SEMA5A: variants seen among roughly 807,000 people sequenced by gnomAD.
The protein encoded by SEMA5A is semaphorin-5A.
A neutral mutation model predicts 135.5 loss-of-function variants in SEMA5A; 55 were observed. That is an observed-to-expected ratio of 0.41 (90% confidence interval 0.33 to 0.51). The LOEUF (loss-of-function observed/expected upper bound fraction) is 0.51. Ranked by LOEUF, SEMA5A falls within the 20% of genes least tolerant of loss-of-function variation. SEMA5A has a pLI of 0.37. For synonymous variants in SEMA5A, 580 were observed against 546.5 expected (o/e 1.06, Z -0.85); for missense variants, 1,290 against 1,419.9 (o/e 0.91, Z 1.47).
At chr5:9,460,929 A>G (rs539487982) in intron 1 of SEMA5A, among the ~76,000 whole-genome samples, 72 of 152,304 alleles carry the variant, frequency 4.7e-4, no homozygotes, top group African/African-American at 1.6e-3. Flanking sequence ...TGTTATTTTT[A>G]TGAAGAGTAA....
intron 2 of SEMA5A, among the ~76,000 whole-genome samples, chr5:9,407,592 A>T (rs906658144): frequency 6.6e-6 from 1 of 152,174 alleles, no homozygotes; most frequent in Non-Finnish European, 1.5e-5. Context: ...ACCTGGCTGC[A>T]TTTGCTTTGC....
chr5:9,102,211 T>C (rs1739669861), intron 16 of SEMA5A, among the ~76,000 whole-genome samples: 1 of 152,188 alleles, frequency 6.6e-6, no homozygotes, highest in Non-Finnish European at 1.5e-5. Flanking sequence ...TCTCTCAGGC[T>C]ACCTCTCCTC....
At chr5:9,343,621 G>T (rs1179896105) in intron 3 of SEMA5A, among the ~76,000 whole-genome samples, 4 of 151,940 alleles carry the variant, frequency 2.6e-5, no homozygotes, top group Non-Finnish European at 5.9e-5. Context: ...CTTCATTTTT[G>T]GTTTCAGTGC....
intron 2 of SEMA5A, among the ~76,000 whole-genome samples, chr5:9,415,082 A>C (rs1757238518): frequency 6.6e-6 from 1 of 152,224 alleles, no homozygotes; most frequent in African/African-American, 2.4e-5. Context: ...CATGAGACAG[A>C]ATGGATATTG....
In SEMA5A at chr5:9,147,724, C is replaced by CAAAAAA. The variant is rs59966819; in HGVS notation, c.1481+6758_1481+6763dup. 3.9e-5 allele frequency among the ~76,000 whole-genome samples: 4 copies of CAAAAAA among 102,494 alleles called. 1 individual carries two copies. Among genetic ancestry groups the CAAAAAA allele is most frequent in the Admixed American group, 1.1e-4 (1 of 8,972 alleles). The allele number at this position is 102,494 out of a possible 152,430, so 67.2% of individuals were successfully genotyped here. On this transcript the variant is annotated intron_variant, in intron 12 of 22. Coordinates refer to ENST00000382496, the MANE Select transcript of SEMA5A (RefSeq NM_003966.3). ...TTCATTAAGCAAAAATAAAACAAAC[C>CAAAAAA]AAAAAAAAAAAAAAAAAACCCACCT...
rs76255961 is a variant in SEMA5A, at chr5:9,217,599, C to T, written c.646+7075G>A. ...TGAAATATGTTTTCCAATTTGTTTG[C>T]TTTCTTCCCCTCCCTCTCAGGGATG... On this transcript the variant is annotated intron_variant, in intron 8 of 22. Coordinates refer to ENST00000382496, the MANE Select transcript of SEMA5A (RefSeq NM_003966.3). Among the ~76,000 whole-genome samples the T allele has an allele frequency of 5.6e-3, 854 of 152,308 alleles. 5 individuals carry two copies. The highest frequency in any genetic ancestry group is 9.3e-3 in the Non-Finnish European group (631 of 68,018).
intron 5 of SEMA5A, among the ~76,000 whole-genome samples, chr5:9,247,165 T>C (rs1335178357): frequency 6.6e-6 from 1 of 152,196 alleles, no homozygotes; most frequent in Admixed American, 6.5e-5. Flanking sequence ...TAGAATTTTA[T>C]TTTACTGATG....
At chr5:9,229,401 C>A (rs543483702) in intron 6 of SEMA5A, among the ~76,000 whole-genome samples, 1 of 152,214 alleles carries the variant, frequency 6.6e-6, no homozygotes, top group African/African-American at 2.4e-5. Flanking sequence ...CAAAGAACCA[C>A]ACAGTACTTC....
chr5:9,209,580 G>A (rs999995279), intron 8 of SEMA5A, among the ~76,000 whole-genome samples: 4 of 152,160 alleles, frequency 2.6e-5, no homozygotes, highest in African/African-American at 9.7e-5. Flanking sequence ...ACTGAAAGAA[G>A]ACATTGAGCT....
At chr5:9,535,741 C>T (rs1561330868) in intron 1 of SEMA5A, among the ~76,000 whole-genome samples, 1 of 152,020 alleles carries the variant, frequency 6.6e-6, no homozygotes, top group Admixed American at 6.6e-5. Context: ...CTTTAAGAAG[C>T]ATAGCCTGGA....
intron 1 of SEMA5A, among the ~76,000 whole-genome samples, chr5:9,438,942 C>T (rs757901527): frequency 6.6e-6 from 1 of 152,316 alleles, no homozygotes; most frequent in Middle Eastern, 3.4e-3. Context: ...CCCTAGGGTT[C>T]AGAGGCCAGG....
chr5:9,470,643 C>A (rs1759441409), intron 1 of SEMA5A, among the ~76,000 whole-genome samples: 1 of 152,152 alleles, frequency 6.6e-6, no homozygotes, highest in South Asian at 2.1e-4. Context: ...AGAAGGAAAC[C>A]ATGCCTCCTC....
intron 21 of SEMA5A, among the ~76,000 whole-genome samples, chr5:9,044,916 C>T (rs1428594809): frequency 6.6e-6 from 1 of 152,068 alleles, no homozygotes; most frequent in Admixed American, 6.5e-5. Flanking sequence ...TCCCGAGTAG[C>T]TTGGATTACA....
In SEMA5A at chr5:9,082,535, G is replaced by A. The variant is rs181202843; in HGVS notation, c.2074-15889C>T. On this transcript the variant is annotated intron_variant, in intron 16 of 22. Transcript: ENST00000382496. The stretch of plus-strand genomic sequence containing the variant: ...GTTCATTGTTCTGTGTTATAAGCAG[G>A]AGAGCCCACCAAGGTCTGCCCAGGG... Among the ~76,000 whole-genome samples, 297 of 152,288 alleles carry A rather than the reference G, an allele frequency of 2.0e-3. 1 individual carries two copies. Among genetic ancestry groups the A allele is most frequent in the African/African-American group, 6.8e-3 (284 of 41,554 alleles).
intron 5 of SEMA5A, among the ~76,000 whole-genome samples, chr5:9,280,985 C>G (rs1012563955): frequency 6.6e-6 from 1 of 152,080 alleles, no homozygotes; most frequent in African/African-American, 2.4e-5. Context: ...TTGAGAAAAA[C>G]CACTTTAAAA....
chr5:9,350,180 A>G (rs1754052915), intron 3 of SEMA5A, among the ~76,000 whole-genome samples: 3 of 152,214 alleles, frequency 2.0e-5, no homozygotes, highest in Non-Finnish European at 4.4e-5. Context: ...CATAGAGGTC[A>G]GCGCAACCTA....
At position 9,091,572 on chromosome 5, in the gene SEMA5A, A is replaced by G. The variant is rs139216856; in HGVS notation, c.2073+16568T>C. Among the ~76,000 whole-genome samples, 103 of 152,326 alleles carry G rather than the reference A, an allele frequency of 6.8e-4. 1 individual carries two copies. The highest frequency in any genetic ancestry group is 2.2e-3 in the African/African-American group (93 of 41,564). On this transcript the variant is annotated intron_variant, in intron 16 of 22. Coordinates refer to ENST00000382496, the MANE Select transcript of SEMA5A (RefSeq NM_003966.3). ...TTTACAAAATTCAGCATAAATCACAATGGGTCGGAATTATTTCTATTTCAA... is the reference window on the plus strand; with the variant it reads ...TTTACAAAATTCAGCATAAATCACAGTGGGTCGGAATTATTTCTATTTCAA...
At chr5:9,224,962 C>T in intron 7 of SEMA5A, 75 bp from the exon 8 acceptor site, 4 of 1,378,886 alleles carry the variant, frequency 2.9e-6, no homozygotes, top group Non-Finnish European at 4.0e-6. Flanking sequence ...TCACACCCAC[C>T]ATCATCACAG....
At chr5:9,224,563 G>C in intron 8 of SEMA5A, 111 bp downstream of exon 8, 1 of 917,038 alleles carries the variant, frequency 1.1e-6, no homozygotes, top group East Asian at 2.6e-5. Flanking sequence ...GATTTCTTTA[G>C]AAGATGAAGA....
Sources: gnomAD v4.1 joint callset for allele counts (sites outside exome capture counted in the v4.1 genomes callset) on GRCh38, gnomAD v4.1.1 for gene constraint, MANE v1.5 for transcripts, NCBI Gene and HGNC (gene_info 2026-07-23, HGNC 2026-07-21) for gene names.